Variants in FBLN2 observed in about 807,000 individuals in gnomAD.
FBLN2 encodes fibulin 2.
A neutral mutation model predicts 123.7 loss-of-function variants in FBLN2; 81 were observed. The observed-to-expected ratio is 0.65, with a 90% CI of 0.55 to 0.79. The LOEUF is 0.79. Ranked by LOEUF, FBLN2 falls within the 30% of genes least tolerant of loss-of-function variation. The pLI, the probability that FBLN2 is intolerant of heterozygous loss-of-function variation, is 0.00. For missense variants in FBLN2, 1,603 were observed against 1,681.3 expected (o/e 0.95, Z 0.81); for synonymous variants, 699 against 701.4 (o/e 1.00, Z 0.05).
Position 13,631,169 on chromosome 3 carries a change from C to T in FBLN2, c.3086-160C>T, listed in dbSNP as rs565553951. Among the ~76,000 whole-genome samples the T allele has an allele frequency of 1.2e-3, 187 of 152,298 alleles. 1 individual carries two copies. The highest frequency in any genetic ancestry group is 2.1e-3 in the Non-Finnish European group (144 of 68,034). Reference sequence around the variant, plus strand: ...CTGGAGTGGGAGTCCTGTTTTGCTTCGTGGCCTTGGGCAACTCTCTTCTAC... The same window carrying T: ...CTGGAGTGGGAGTCCTGTTTTGCTTTGTGGCCTTGGGCAACTCTCTTCTAC... On this transcript the variant is annotated intron_variant, in intron 15 of 17. Transcript: ENST00000404922.
rs1706104639 is a variant in FBLN2 at position 13,627,884 on chromosome 3, C to T, written c.2484C>T (p.Cys828=). The T allele has an allele frequency of 6.2e-7, 1 of 1,613,794 alleles. No individual in the cohort carries two copies. Among genetic ancestry groups the T allele is most frequent in the Non-Finnish European group, 8.5e-7 (1 of 1,179,842 alleles). ...ACACCTGCCAGCCGGGCTTCTTGTGCCAGAACACCAAGGGCTCCTTCTACT... is the reference window on the plus strand; with the variant it reads ...ACACCTGCCAGCCGGGCTTCTTGTGTCAGAACACCAAGGGCTCCTTCTACT... The part of the protein sequence containing the change: ...GTHTCQPGFL[C]QNTKGSFYCQ... Residue 828 remains cysteine, a synonymous_variant, in exon 11 of 18, where the codon TGC becomes TGT. Transcript: ENST00000404922.
intron 5 of FBLN2, among the ~76,000 whole-genome samples, chr3:13,616,959 A>G (rs1440731672): frequency 1.3e-5 from 2 of 152,156 alleles, no homozygotes; most frequent in Admixed American, 1.3e-4. Flanking sequence ...GCTGCTAAGG[A>G]TGATCCTCCT....
intron 2 of FBLN2, among the ~76,000 whole-genome samples, chr3:13,583,163 C>A (rs150591497): frequency 1.3e-5 from 2 of 152,264 alleles, no homozygotes; most frequent in East Asian, 1.9e-4. Context: ...GGGAGGGGCA[C>A]CCTCCTCTAC....
chr3:13,563,309 C>G (rs755728032), intron 1 of FBLN2, among the ~76,000 whole-genome samples: 48 of 152,330 alleles, frequency 3.2e-4, no homozygotes, highest in Middle Eastern at 3.4e-3. Context: ...CTCCCAGCGG[C>G]CACAGGTGCT....
rs372556231 is a variant in FBLN2, at chr3:13,623,551, G to T, written c.2296+1636G>T. On this transcript the variant is annotated intron_variant, in intron 9 of 17. Coordinates refer to ENST00000404922, the MANE Select transcript of FBLN2 (RefSeq NM_001004019.2). ...TTAGTACCTGCCGCGCGTTCTTTCC[G>T]TCATTTGTACGTCCACAAATGTCCA... 9.9e-5 allele frequency among the ~76,000 whole-genome samples: 15 copies of T among 152,122 alleles called. No individual in the cohort carries two copies. The East Asian group carries it at 2.1e-3, about 22-fold the overall frequency.
chr3:13,561,472 G>A (rs549493111), intron 1 of FBLN2, among the ~76,000 whole-genome samples: 39 of 151,748 alleles, frequency 2.6e-4, no homozygotes, highest in Non-Finnish European at 4.9e-4. Context: ...ACTTCCCAGC[G>A]ACCACTCTCT....
At chr3:13,619,056 G>A (rs1272839878) in intron 7 of FBLN2, 39 bp downstream of exon 7, 2 of 1,503,296 alleles carry the variant, frequency 1.3e-6, no homozygotes, top group Non-Finnish European at 1.8e-6. Context: ...CAGGGCCCAG[G>A]GTCCAGGGGG....
intron 1 of FBLN2, among the ~76,000 whole-genome samples, chr3:13,560,571 C>A (rs776958452): frequency 2.2e-4 from 33 of 152,198 alleles, no homozygotes; most frequent in Admixed American, 2.0e-4. Flanking sequence ...TAGCCCTTTC[C>A]TCGCAGCCAA....
intron 2 of FBLN2, among the ~76,000 whole-genome samples, chr3:13,606,010 A>G (rs1276853999): frequency 6.6e-6 from 1 of 151,398 alleles, no homozygotes; most frequent in African/African-American, 2.4e-5. Context: ...GCAACCTCCA[A>G]CCCCCCTCCC....
At chr3:13,633,194 C>T (rs1479026478) in intron 16 of FBLN2, among the ~76,000 whole-genome samples, 1 of 152,268 alleles carries the variant, frequency 6.6e-6, no homozygotes, top group African/African-American at 2.4e-5. Context: ...TTCCCGGGAC[C>T]TGGCATATGC....
intron 2 of FBLN2, among the ~76,000 whole-genome samples, chr3:13,593,442 G>T (rs1351994454): frequency 6.6e-6 from 1 of 152,118 alleles, no homozygotes; most frequent in African/African-American, 2.4e-5. Flanking sequence ...TTGGCTGGGC[G>T]CAGTGGCTCA....
intron 9 of FBLN2, 131 bp downstream of exon 9, chr3:13,622,046 C>G: frequency 9.0e-7 from 1 of 1,110,590 alleles, no homozygotes; most frequent in Non-Finnish European, 1.3e-6. Context: ...GCCGGCATCT[C>G]CGTGCTCTAT....
intron 1 of FBLN2, among the ~76,000 whole-genome samples, chr3:13,549,514 G>T (rs1031213800): frequency 3.9e-5 from 6 of 151,952 alleles, no homozygotes; most frequent in Non-Finnish European, 5.9e-5. Context: ...CTCCGCTCTG[G>T]GTTTCACTTC....
intron 2 of FBLN2, among the ~76,000 whole-genome samples, chr3:13,589,160 G>C (rs1868709): frequency 0.34 from 51,611 of 152,022 alleles, 10,064 homozygotes; most frequent in East Asian, 0.54. Flanking sequence ...ATCAGGGCAG[G>C]CCAGAGTTGT....
At chr3:13,620,806 T>C (rs1393264543) in intron 8 of FBLN2, among the ~76,000 whole-genome samples, 1 of 152,180 alleles carries the variant, frequency 6.6e-6, no homozygotes, top group African/African-American at 2.4e-5. Context: ...TCCCAGAAGC[T>C]GAAAGCCCGT....
intron 1 of FBLN2, among the ~76,000 whole-genome samples, chr3:13,562,373 T>G (rs929948968): frequency 3.2e-4 from 48 of 150,332 alleles, no homozygotes; most frequent in Non-Finnish European, 5.6e-4. Flanking sequence ...TTTTTTTTTT[T>G]TGTGACGGAG....
chr3:13,576,734 G>T (rs1186603198), intron 2 of FBLN2, among the ~76,000 whole-genome samples: 1 of 145,082 alleles, frequency 6.9e-6, no homozygotes, highest in Non-Finnish European at 1.5e-5. Context: ...CCCCCCCCGG[G>T]TTCACTCATT....
rs146617087 is a variant in FBLN2, at chr3:13,573,318, G to A, written c.1306+1657G>A. Among the ~76,000 whole-genome samples, 555 of 151,808 alleles carry A rather than the reference G, an allele frequency of 3.7e-3. 1 individual carries two copies. The highest frequency in any genetic ancestry group is 5.9e-3 in the Non-Finnish European group (398 of 67,940). ...CCTGGAGCACCCCCTTCTCACCACT[G>A]CCCACTTATCACCTCATCCTCTACA... On this transcript the variant is annotated intron_variant, in intron 2 of 17. Transcript: ENST00000404922.
At chr3:13,549,312 T>G in intron 1 of FBLN2, 104 bp downstream of exon 1, 1 of 759,038 alleles carries the variant, frequency 1.3e-6, no homozygotes, top group Non-Finnish European at 1.6e-6. Flanking sequence ...CGGCGGACCC[T>G]CGGACGCGCC....
Sources: gnomAD v4.1 joint callset for allele counts (sites outside exome capture counted in the v4.1 genomes callset) on GRCh38, gnomAD v4.1.1 for gene constraint, MANE v1.5 for transcripts, NCBI Gene and HGNC (gene_info 2026-07-23, HGNC 2026-07-21) for gene names.